Variants in GTPBP2 observed in about 807,000 individuals in gnomAD.
The protein encoded by GTPBP2 is GTP-binding protein 2.
In GTPBP2, 32 loss-of-function variants were observed where a neutral mutation model predicts 63.0. The observed-to-expected ratio is 0.51, with a 90% confidence interval of 0.38 to 0.68. The LOEUF (loss-of-function observed/expected upper bound fraction) is 0.68, where lower values mean the gene tolerates loss of function less well. GTPBP2 is among the 30% of genes least tolerant of loss of function. The probability of loss-of-function intolerance (pLI) is 0.00; values close to 1 mark genes in which losing one functional copy is unlikely to be tolerated. For synonymous variants in GTPBP2, 310 were observed against 322.6 expected (o/e 0.96, Z 0.42); for missense variants, 492 against 796.9 (o/e 0.62, Z 4.61).
rs904709300 is a variant in GTPBP2 at position 43,620,535 on chromosome 6, TTAAATA to T, written c.*1073_*1078del. 1.5e-5 allele frequency: 3 copies of T among 198,304 alleles called. No homozygotes were observed. The highest frequency in any genetic ancestry group is 6.0e-5 in the Admixed American group (1 of 16,768). 12.3% of individuals were successfully genotyped at this position (198,304 alleles called of 1,614,324 possible). A position where few individuals can be genotyped will look rare whatever the true frequency, so the allele number is the denominator to read the frequency against. On this transcript the variant is annotated 3_prime_UTR_variant, in exon 12 of 12. Transcript: ENST00000307126. Reference sequence around the variant, plus strand: ...TATTCTGTACAATATATATGTGTATTTAAATATATATACATATGTATATATATATAT... The same window carrying T: ...TATTCTGTACAATATATATGTGTATTTATATACATATGTATATATATATAT...
chr6:43,621,407 G>A lies in GTPBP2; in HGVS notation c.*207C>T, dbSNP rs1485517580. The A allele has an allele frequency of 6.5e-7, 1 of 1,534,130 alleles. No homozygotes were observed. The highest frequency in any genetic ancestry group is 8.8e-7 in the Non-Finnish European group (1 of 1,136,382). ...GCACACAGCTTCGGAGCACTGCCCT[G>A]AATCCTGTCTTCTCCCTCAGGACTG... On this transcript the variant is annotated 3_prime_UTR_variant, in exon 12 of 12. Transcript: ENST00000307126.
Position 43,625,333 on chromosome 6 carries a change from G to A in GTPBP2, c.705+30C>T, listed in dbSNP as rs1404641793. ...ACTACCATCCCATCCTCAGAGTCTG[G>A]CCCCATTGGGTCCCATTGATCCCAT... On this transcript the variant is annotated intron_variant, in intron 5 of 11. Coordinates refer to ENST00000307126, the MANE Select transcript of GTPBP2 (RefSeq NM_019096.5). The surrounding 1 kb of genome is among the most constrained non-coding windows in gnomAD (Gnocchi z 5.1). 3 of 1,592,666 alleles carry A rather than the reference G, an allele frequency of 1.9e-6. No homozygotes were observed. The Admixed American group carries it at 5.0e-5, about 27-fold the overall frequency.
At position 43,620,577 on chromosome 6, in the gene GTPBP2, A is replaced by G. The variant is rs149521443; in HGVS notation, c.*1037T>C. 7.7e-4 allele frequency: 118 copies of G among 154,086 alleles called. 1 individual carries two copies. In the East Asian group the frequency reaches 0.022, roughly 29 times the overall value. 9.5% of individuals were successfully genotyped at this position (154,086 alleles called of 1,614,324 possible). ...TGTATATATATATATATGCACAGAG[A>G]AACCTTAGCCAACAAATCCCTGAGT... On this transcript the variant is annotated 3_prime_UTR_variant, in exon 12 of 12. Coordinates refer to ENST00000307126, the MANE Select transcript of GTPBP2 (RefSeq NM_019096.5).
intron 1 of GTPBP2, among the ~76,000 whole-genome samples, chr6:43,628,016 G>A (rs374746516): frequency 3.4e-4 from 52 of 152,122 alleles, no homozygotes; most frequent in African/African-American, 9.4e-4. Flanking sequence ...AGTATCACAC[G>A]GGAACTTATA....
At position 43,625,905 on chromosome 6, in the gene GTPBP2, T is replaced by G. The variant is rs200037774; in HGVS notation, c.399-41A>C. On this transcript the variant is annotated intron_variant, in intron 3 of 11. Coordinates refer to ENST00000307126, the MANE Select transcript of GTPBP2 (RefSeq NM_019096.5). The surrounding 1 kb of genome is among the most constrained non-coding windows in gnomAD (Gnocchi z 5.1). ...CACAGCTGCCATATCTCACCTGTCCTTCTCCTATTCCAGGCTCGCTCTGGA... is the reference window on the plus strand; with the variant it reads ...CACAGCTGCCATATCTCACCTGTCCGTCTCCTATTCCAGGCTCGCTCTGGA... 4.2e-5 allele frequency: 63 copies of G among 1,490,974 alleles called. No individual in the cohort carries two copies. The East Asian group carries it at 8.1e-4, about 19-fold the overall frequency. The allele number at this position is 1,490,974 out of a possible 1,614,324, so 92.4% of individuals were successfully genotyped here.
intron 9 of GTPBP2, chr6:43,623,516 G>A: frequency 1.7e-6 from 1 of 574,204 alleles, no homozygotes. Context: ...TTCTCTCTCA[G>A]GGGCCTGGAG....
At position 43,628,447 on chromosome 6, in the gene GTPBP2, A is replaced by C. The variant is rs184951977; in HGVS notation, c.186+530T>G. ...ATCCGGGTGATTCGATACATGCCAA[A>C]GTTTGATAACCACTGGCTTAGGCTG... On this transcript the variant is annotated intron_variant, in intron 1 of 11. Transcript: ENST00000307126. 2.4e-5 allele frequency: 14 copies of C among 585,566 alleles called. No individual in the cohort carries two copies. In the East Asian group the frequency reaches 2.0e-3, roughly 83 times the overall value. The allele number at this position is 585,566 out of a possible 1,614,324, so 36.3% of individuals were successfully genotyped here. A position where few individuals can be genotyped will look rare whatever the true frequency, so the allele number is the denominator to read the frequency against.
Position 43,623,645 on chromosome 6 carries a change from G to A in GTPBP2, c.1295+92C>T, listed in dbSNP as rs570820497. 9.4e-5 allele frequency: 88 copies of A among 932,372 alleles called. No homozygotes were observed. The South Asian group carries it at 1.0e-3, about 11-fold the overall frequency. 57.8% of individuals were successfully genotyped at this position (932,372 alleles called of 1,614,324 possible). A position where few individuals can be genotyped will look rare whatever the true frequency, so the allele number is the denominator to read the frequency against. On this transcript the variant is annotated intron_variant, in intron 9 of 11. Coordinates refer to ENST00000307126, the MANE Select transcript of GTPBP2 (RefSeq NM_019096.5). ...TAAGCATGTCCTTTAAATGGGTTCC[G>A]TTCAATTCCAGGGTCTCCTCCTTTG...
At chr6:43,629,636 T>G, upstream of GTPBP2, 1 of 1,131,778 alleles carries the variant, frequency 8.8e-7, no homozygotes, top group Non-Finnish European at 1.3e-6. Flanking sequence ...GCTCCGGGAT[T>G]TGGCCCTTTA....
At position 43,626,375 on chromosome 6, in the gene GTPBP2, C is replaced by T. The variant is rs763957942; in HGVS notation, c.249G>A (p.Glu83=). ...KLVNPSQYRF[E]HLVTQMKWRL... is the part of the protein sequence containing the mutation. ...GCCACTTCATTTGTGTCACCAGGTG[C>T]TCAAAGCGGTACTGGGATGGATTCA... is the stretch of plus-strand genomic sequence containing the variant. The change falls in exon 3 of 12, where the codon GAG becomes GAA. Residue 83 remains glutamate (E), a synonymous_variant. Transcript: ENST00000307126. The surrounding 1 kb of genome is among the most constrained non-coding windows in gnomAD (Gnocchi z 4.0). 6.2e-7 allele frequency: 1 copy of T among 1,614,214 alleles called. No homozygotes were observed. The highest frequency in any genetic ancestry group is 8.5e-7 in the Non-Finnish European group (1 of 1,180,030).
rs531062494 is a variant in GTPBP2, at chr6:43,627,514, G to A, written c.187-566C>T. ...AGAGGAGAAGAGCTCCAAAGCTGGG[G>A]CTGAGAGGAACAGAAAAACTCAGAA... On this transcript the variant is annotated intron_variant, in intron 1 of 11. Transcript: ENST00000307126. Among the ~76,000 whole-genome samples, 9 of 152,310 alleles carry A rather than the reference G, an allele frequency of 5.9e-5. No individual in the cohort carries two copies. In the South Asian group the frequency reaches 1.9e-3, roughly 32 times the overall value.
In GTPBP2 at chr6:43,621,715, C is replaced by T. The variant is rs751495103; in HGVS notation, c.1708G>A (p.Ala570Thr). 15 of 1,614,064 alleles carry T rather than the reference C, an allele frequency of 9.3e-6. No individual in the cohort carries two copies. The highest frequency in any genetic ancestry group is 3.3e-5 in the Admixed American group (2 of 60,002). ...LKHPEYLKVGAKLLFREGVTK... is the reference protein window; with the variant it reads ...LKHPEYLKVGTKLLFREGVTK... ...ACACCCTCCCGGAACAGCAGTTTGG[C>T]GCCCACCTTCAGGTACTCTGGGTGT... Residue 570 changes from alanine (A) to threonine (T), a missense_variant, in exon 12 of 12, where the codon GCC becomes ACC. Ala to Thr is a moderately conservative substitution (Grantham distance 58). Around this residue, in one of 2 missense-constraint regions of GTPBP2, gnomAD observed 400 missense variants for 710.8 expected, o/e 0.56. Transcript: ENST00000307126.
In GTPBP2 at chr6:43,621,200, A is replaced by G. The variant is rs1040263734; in HGVS notation, c.*414T>C. 11 of 354,428 alleles carry G rather than the reference A, an allele frequency of 3.1e-5. No individual in the cohort carries two copies. Among genetic ancestry groups the G allele is most frequent in the Non-Finnish European group, 5.1e-5 (9 of 177,760 alleles). The allele number at this position is 354,428 out of a possible 1,614,324, so 22.0% of individuals were successfully genotyped here. ...GGGCAACTTACATGGCCTTGAGAAG[A>G]GGTATAGAAAAAGGAGTGCTTTTGA... On this transcript the variant is annotated 3_prime_UTR_variant, in exon 12 of 12. Transcript: ENST00000307126.
Position 43,621,699 on chromosome 6 carries a change from CG to C in GTPBP2, c.1723del (p.Arg575GlyfsTer44). The C allele has an allele frequency of 6.2e-7, 1 of 1,614,210 alleles. No individual in the cohort carries two copies. Among genetic ancestry groups the C allele is most frequent in the Non-Finnish European group, 8.5e-7 (1 of 1,180,048 alleles). ...GCCGATGCCCTTGGTGACACCCTCC[CG>C]GAACAGCAGTTTGGCGCCCACCTTC... Reference protein sequence around the residue: ...YLKVGAKLLFREGVTKGIGHV... With the variant: ...YLKVGAKLLFXEGVTKGIGHV... On this transcript the variant is annotated frameshift_variant, in exon 12 of 12. Coordinates refer to ENST00000307126, the MANE Select transcript of GTPBP2 (RefSeq NM_019096.5). LOFTEE classifies it high-confidence loss of function.
At chr6:43,623,624 C>T in intron 9 of GTPBP2, 113 bp downstream of exon 9, 1 of 795,706 alleles carries the variant, frequency 1.3e-6, no homozygotes, top group Non-Finnish European at 2.2e-6. Flanking sequence ...TGCAAATAAG[C>T]ATGTCCTTTA....
intron 9 of GTPBP2, 171 bp downstream of exon 9, chr6:43,623,566 G>A (rs1769002426): frequency 3.2e-6 from 2 of 625,516 alleles, no homozygotes; most frequent in Non-Finnish European, 5.7e-6. Context: ...TCCCTCCAAA[G>A]CCAACAGACT....
Position 43,626,283 on chromosome 6 carries a change from C to A in GTPBP2, c.341G>T (p.Gly114Val). The A allele has an allele frequency of 5.0e-6, 8 of 1,614,236 alleles. No homozygotes were observed. The highest frequency in any genetic ancestry group is 6.8e-6 in the Non-Finnish European group (8 of 1,180,042). ...IGVEDNGLLVGLAEEEMRASL... is the reference protein window; with the variant it reads ...IGVEDNGLLVVLAEEEMRASL... The stretch of plus-strand genomic sequence containing the variant: ...AGCTCGCATTTCCTCCTCAGCCAGC[C>A]CCACCAGCAGCCCATTGTCCTCTAC... The change falls in exon 3 of 12, where the codon GGG (glycine) becomes GTG (valine). Residue 114 changes from glycine (G) to valine (V), a missense_variant. By Grantham distance (109) the Gly-to-Val change is moderately radical. Around this residue, in one of 2 missense-constraint regions of GTPBP2, gnomAD observed 400 missense variants for 710.8 expected, o/e 0.56. Transcript: ENST00000307126. This position sits in a 1 kb window ranked among gnomAD's most constrained non-coding sequence, Gnocchi z 4.0.
Position 43,623,783 on chromosome 6 carries a change from A to G in GTPBP2, c.1249T>C (p.Tyr417His). 6.2e-7 allele frequency: 1 copy of G among 1,613,700 alleles called. No individual in the cohort carries two copies. ...QLTEFQVDEIYTVPEVGTVVG... is the reference protein window; with the variant it reads ...QLTEFQVDEIHTVPEVGTVVG... ...ACAGTCCCCACCTCTGGTACTGTGT[A>G]GATTTCATCCACCTGAAGCCAAAGA... The change falls in exon 9 of 12, where the codon TAC becomes CAC. Residue 417 changes from tyrosine to histidine, a missense_variant. Physicochemically the swap from Tyr to His is moderately conservative, Grantham distance 83 (BLOSUM62 2). Around this residue, in one of 2 missense-constraint regions of GTPBP2, gnomAD observed 400 missense variants for 710.8 expected, o/e 0.56. Transcript: ENST00000307126.
In GTPBP2 at chr6:43,621,235, CCT is replaced by C. The variant is rs1179771035; in HGVS notation, c.*377_*378del. 19 of 397,506 alleles carry C rather than the reference CCT, an allele frequency of 4.8e-5. No homozygotes were observed. Among genetic ancestry groups the C allele is most frequent in the African/African-American group, 8.3e-5 (4 of 48,328 alleles). 24.6% of individuals were successfully genotyped at this position (397,506 alleles called of 1,614,324 possible). A position where few individuals can be genotyped will look rare whatever the true frequency, so the allele number is the denominator to read the frequency against. On this transcript the variant is annotated 3_prime_UTR_variant, in exon 12 of 12. Transcript: ENST00000307126. ...AAAGGAGTGCTTTTGAGGGCTACCC[CCT>C]GTTGTGACCATTCCTGAAGTGCAGA...
Sources: allele counts gnomAD v4.1 joint callset (sites outside exome capture counted in the v4.1 genomes callset), GRCh38; gene constraint gnomAD v4.1.1; regional missense constraint gnomAD v4.1.1; non-coding constraint Gnocchi (gnomAD v3.1); transcripts MANE v1.5; gene names NCBI Gene and HGNC (gene_info 2026-07-23, HGNC 2026-07-21).